CDKL2: variants seen among roughly 807,000 people sequenced by gnomAD.
CDKL2 encodes the protein cyclin dependent kinase like 2, also known as cyclin-dependent kinase-like 2.
A neutral mutation model predicts 63.9 loss-of-function variants in CDKL2; 64 were observed. That is an observed-to-expected ratio of 1.00 (90% CI 0.82 to 1.23). CDKL2 has a LOEUF of 1.23. CDKL2 is among the 50% of genes most tolerant of loss of function. The probability of loss-of-function intolerance (pLI) is 0.00; values close to 1 mark genes in which losing one functional copy is unlikely to be tolerated. For missense variants in CDKL2, 656 were observed against 668.0 expected, an observed-to-expected ratio of 0.98 and a Z score of 0.20; for synonymous variants, 211 against 229.2, an observed-to-expected ratio of 0.92 and a Z score of 0.72.
At chr4:75,607,033 C>A in intron 4 of CDKL2, 150 bp downstream of exon 4, 2 of 572,834 alleles carry the variant, frequency 3.5e-6, no homozygotes, top group South Asian at 4.5e-5. Flanking sequence ...AGGGGAAGCA[C>A]CAAAAATGAT....
intron 2 of CDKL2, among the ~76,000 whole-genome samples, chr4:75,615,437 G>A (rs1729888530): frequency 6.6e-6 from 1 of 152,146 alleles, no homozygotes; most frequent in Non-Finnish European, 1.5e-5. Flanking sequence ...ACCTTTAAAG[G>A]GAAAGAAACC....
At position 75,596,254 on chromosome 4, in the gene CDKL2, G is replaced by A. The variant is rs753601015; in HGVS notation, c.1409C>T (p.Thr470Ile). The A allele has an allele frequency of 1.3e-6, 2 of 1,577,204 alleles. No homozygotes were observed. Among genetic ancestry groups the A allele is most frequent in the Non-Finnish European group, 8.7e-7 (1 of 1,146,606 alleles). ...SPSGIYNINV[T>I]TLVSSEKNLF... ...TGAGAACTGCTTACTTACTAATGTG[G>A]TCACATTAATGTTATAAATGCCTGA... The change falls in exon 10 of 14, where the codon ACC becomes ATC. Residue 470 changes from threonine (T) to isoleucine (I), a missense_variant. Transcript: ENST00000307465.
intron 2 of CDKL2, among the ~76,000 whole-genome samples, chr4:75,624,819 T>C (rs1168555573): frequency 6.6e-6 from 1 of 151,624 alleles, no homozygotes; most frequent in Admixed American, 6.6e-5. Flanking sequence ...GATAGCACCA[T>C]TGCACTCCAG....
chr4:75,607,041 G>A (rs555178829), intron 4 of CDKL2, 142 bp downstream of exon 4: 1 of 595,074 alleles, frequency 1.7e-6, no homozygotes, highest in Non-Finnish European at 2.8e-6. Context: ...CACCAAAAAT[G>A]ATTACAATTT....
At chr4:75,628,847 A>T (rs532540606) in intron 1 of CDKL2, among the ~76,000 whole-genome samples, 1 of 152,094 alleles carries the variant, frequency 6.6e-6, no homozygotes, top group Non-Finnish European at 1.5e-5. Context: ...ATTTTATAAT[A>T]TATATATTTT....
chr4:75,629,433 A>G (rs2148922543), intron 1 of CDKL2, among the ~76,000 whole-genome samples: 1 of 152,330 alleles, frequency 6.6e-6, no homozygotes, highest in African/African-American at 2.4e-5. Flanking sequence ...CTGTCCACAA[A>G]TACTTTAAAA....
At chr4:75,584,159 C>T (rs1232141481) in intron 12 of CDKL2, among the ~76,000 whole-genome samples, 2 of 152,150 alleles carry the variant, frequency 1.3e-5, no homozygotes, top group Admixed American at 1.3e-4. Context: ...AGATTATCTT[C>T]GTGGGCCGAG....
chr4:75,594,047 T>C (rs1308476597), intron 10 of CDKL2, among the ~76,000 whole-genome samples: 3 of 152,244 alleles, frequency 2.0e-5, no homozygotes, highest in African/African-American at 4.8e-5. Flanking sequence ...CTCTCTCCCA[T>C]GTTTTATACC....
chr4:75,581,753 C>T, intron 13 of CDKL2, 57 bp downstream of exon 13: 1 of 951,644 alleles, frequency 1.1e-6, no homozygotes, highest in East Asian at 2.5e-5. Context: ...TTCAGCAAGC[C>T]ACAAAATAGT....
chr4:75,596,723 AC>A (rs1303357751), intron 9 of CDKL2, among the ~76,000 whole-genome samples: 1 of 152,158 alleles, frequency 6.6e-6, no homozygotes, highest in Non-Finnish European at 1.5e-5. Flanking sequence ...AAGCAATAAA[AC>A]CCTACTTTCT....
At chr4:75,593,723 A>G (rs1468203170) in intron 10 of CDKL2, among the ~76,000 whole-genome samples, 2 of 152,250 alleles carry the variant, frequency 1.3e-5, no homozygotes, top group Non-Finnish European at 2.9e-5. Context: ...AAACCAAAAA[A>G]GAAAGTACTA....
intron 3 of CDKL2, among the ~76,000 whole-genome samples, chr4:75,608,854 C>T (rs543582698): frequency 4.8e-4 from 73 of 152,130 alleles, no homozygotes; most frequent in African/African-American, 1.7e-3. Context: ...AGTAGCTGGG[C>T]GTGCTGGCAC....
chr4:75,617,421 C>G (rs952871499), intron 2 of CDKL2, among the ~76,000 whole-genome samples: 9 of 152,194 alleles, frequency 5.9e-5, no homozygotes, highest in Non-Finnish European at 1.2e-4. Flanking sequence ...ATAGCTGAAG[C>G]AACTAACTCA....
intron 1 of CDKL2, 62 bp downstream of exon 1, chr4:75,629,980 A>G (rs1221122622): frequency 8.4e-6 from 1 of 118,940 alleles, no homozygotes; most frequent in Non-Finnish European, 1.8e-5. Context: ...AAAAAAAAAG[A>G]TTGAAATCTT....
chr4:75,607,320 G>T lies in CDKL2; in HGVS notation c.405C>A (p.Ser135=). 1.2e-6 allele frequency: 2 copies of T among 1,613,952 alleles called. No homozygotes were observed. Among genetic ancestry groups the T allele is most frequent in the Admixed American group, 1.7e-5 (1 of 60,004 alleles). The part of the protein sequence containing the change: ...RDIKPENILV[S]QSGVVKLCDF... Reference sequence around the variant, plus strand: ...CGCATAGCTTGACAACGCCAGACTGGGAGACTAATATATTCTCTGGCTTTA... The same window carrying T: ...CGCATAGCTTGACAACGCCAGACTGTGAGACTAATATATTCTCTGGCTTTA... The change falls in exon 4 of 14, where the codon TCC becomes TCA. Residue 135 remains serine, a synonymous_variant. Coordinates refer to ENST00000307465, the MANE Select transcript of CDKL2 (RefSeq NM_001330724.2).
chr4:75,590,622 C>G (rs543878475), intron 12 of CDKL2, among the ~76,000 whole-genome samples: 2 of 152,018 alleles, frequency 1.3e-5, no homozygotes, highest in Non-Finnish European at 2.9e-5. Flanking sequence ...GGCTGAGGCA[C>G]AAGAATCACT....
At chr4:75,615,485 A>G (rs1450966828) in intron 2 of CDKL2, among the ~76,000 whole-genome samples, 1 of 152,190 alleles carries the variant, frequency 6.6e-6, no homozygotes, top group East Asian at 1.9e-4. Flanking sequence ...ATCCTCAAGA[A>G]AATCCAAGTA....
chr4:75,596,370 T>C, intron 9 of CDKL2, 30 bp from the exon 10 acceptor site: 1 of 1,347,370 alleles, frequency 7.4e-7, no homozygotes, highest in Non-Finnish European at 1.1e-6. Flanking sequence ...TGTTTTTAAG[T>C]TAGAACCAGC....
rs530793007 is a variant in CDKL2, at chr4:75,592,412, C to CA, written c.1417-144dup. The CA allele has an allele frequency of 1.8e-4, 101 of 575,950 alleles. 1 individual carries two copies. Among genetic ancestry groups the CA allele is most frequent in the African/African-American group, 1.6e-3 (82 of 52,492 alleles). The allele number at this position is 575,950 out of a possible 1,614,324, so 35.7% of individuals were successfully genotyped here. On this transcript the variant is annotated intron_variant, in intron 10 of 13. Coordinates refer to ENST00000307465, the MANE Select transcript of CDKL2 (RefSeq NM_001330724.2). The stretch of plus-strand genomic sequence containing the variant: ...AAAAATTTGAAGGACATTAATAATA[C>CA]AAAAAAAATTCATCCAATTATTTCA...
Sources: allele counts gnomAD v4.1 joint callset (sites outside exome capture counted in the v4.1 genomes callset), GRCh38; gene constraint gnomAD v4.1.1; transcripts MANE v1.5; gene names NCBI Gene and HGNC (gene_info 2026-07-23, HGNC 2026-07-21).